FBN2: variants seen among roughly 807,000 people sequenced by gnomAD.
The protein encoded by FBN2 is fibrillin-2.
Under a neutral mutation model 355.6 loss-of-function variants are expected in FBN2, and 105 were observed. That is an observed-to-expected ratio of 0.30 (90% CI 0.25 to 0.35). The LOEUF (loss-of-function observed/expected upper bound fraction) is 0.35, where lower values mean the gene tolerates loss of function less well. Among genes scored for constraint, FBN2 ranks in the 10% least tolerant of loss-of-function variants. FBN2 has a pLI of 1.00. For missense variants in FBN2, 3,280 were observed against 3,758.7 expected (o/e 0.87, Z 3.33); for synonymous variants, 1,350 against 1,301.2 (o/e 1.04, Z -0.81).
chr5:128,381,508 A>C (rs1303101687), intron 11 of FBN2, among the ~76,000 whole-genome samples: 1 of 152,136 alleles, frequency 6.6e-6, no homozygotes, highest in Non-Finnish European at 1.5e-5. Context: ...TAGTTAATTA[A>C]TATCCTCTTC....
intron 11 of FBN2, among the ~76,000 whole-genome samples, chr5:128,385,050 T>C (rs545185325): frequency 6.6e-6 from 1 of 152,268 alleles, no homozygotes; most frequent in African/African-American, 2.4e-5. Flanking sequence ...TATACACATA[T>C]ATTTTTCTTT....
chr5:128,277,801 CTACTGA>C lies in FBN2; in HGVS notation c.7471+73_7471+78del, dbSNP rs1765432544. 1.8e-4 allele frequency: 260 copies of C among 1,445,962 alleles called. No individual in the cohort carries two copies. In the South Asian group the frequency reaches 2.6e-3, roughly 14 times the overall value. 89.6% of individuals were successfully genotyped at this position (1,445,962 alleles called of 1,614,324 possible). On this transcript the variant is annotated intron_variant, in intron 58 of 64. Transcript: ENST00000262464. ...TCCAAAGCTCCATAATAAAGACACTCTACTGATAATGAGTGACTTGCAGGAAACAGT... is the reference window on the plus strand; with the variant it reads ...TCCAAAGCTCCATAATAAAGACACTCTAATGAGTGACTTGCAGGAAACAGT...
intron 16 of FBN2, among the ~76,000 whole-genome samples, chr5:128,368,465 T>TACATATATATAC (rs774735044): frequency 0.23 from 28,746 of 127,694 alleles, 4,408 homozygotes; most frequent in East Asian, 0.76. Context: ...CACATATATA[T>TACATATATATAC]ACATATATAT....
intron 44 of FBN2, 61 bp downstream of exon 44, chr5:128,305,450 T>G (rs1276289218): frequency 1.3e-6 from 2 of 1,593,872 alleles, no homozygotes; most frequent in East Asian, 2.2e-5. Flanking sequence ...AAGTATTTTT[T>G]GATAGGAAAT....
chr5:128,451,535 G>A (rs555504663), intron 6 of FBN2, among the ~76,000 whole-genome samples: 1 of 152,158 alleles, frequency 6.6e-6, no homozygotes, highest in Non-Finnish European at 1.5e-5. Context: ...TGAGTAGCTG[G>A]GATTACAGGC....
Position 128,366,251 on chromosome 5 carries a change from ATAAT to A in FBN2, c.2302+122_2302+125del, listed in dbSNP as rs10594722. On this transcript the variant is annotated intron_variant, in intron 17 of 64. Transcript: ENST00000262464. Reference sequence around the variant, plus strand: ...TAGCTTATAACCACTGCTCTAGGAGATAATTAATCTTATTATTTTATAATACTAC... The same window carrying A: ...TAGCTTATAACCACTGCTCTAGGAGATAATCTTATTATTTTATAATACTAC... The A allele has an allele frequency of 0.23, 118,047 of 505,856 alleles. 19,656 individuals carry two copies. Among genetic ancestry groups the A allele is most frequent in the East Asian group, 0.81 (23,565 of 29,146 alleles). 31.3% of individuals were successfully genotyped at this position (505,856 alleles called of 1,614,324 possible).
rs114965196 is a variant in FBN2, at chr5:128,483,211, C to G, written c.629-18290G>C. Among the ~76,000 whole-genome samples the G allele has an allele frequency of 6.1e-3, 922 of 152,254 alleles. 8 individuals carry two copies. Among genetic ancestry groups the G allele is most frequent in the African/African-American group, 0.021 (885 of 41,534 alleles). ...GAAAAACTAACTATTGGGTACCACG[C>G]TCAGTACCTGGATGACAGGATCAAT... On this transcript the variant is annotated intron_variant, in intron 5 of 64. Transcript: ENST00000262464.
chr5:128,311,535 C>T lies in FBN2; in HGVS notation c.4949-110G>A. 4.4e-6 allele frequency: 5 copies of T among 1,133,998 alleles called. No individual in the cohort carries two copies. In the South Asian group the frequency reaches 6.5e-5, roughly 15 times the overall value. 70.2% of individuals were successfully genotyped at this position (1,133,998 alleles called of 1,614,324 possible). The stretch of plus-strand genomic sequence containing the variant: ...TGTAAGAATCAGATTTCTATGCATC[C>T]AAATGAACGCACACTTAGATGGCAA... On this transcript the variant is annotated intron_variant, in intron 38 of 64. Transcript: ENST00000262464.
chr5:128,431,872 A>G (rs1753635745), intron 7 of FBN2, among the ~76,000 whole-genome samples: 1 of 152,174 alleles, frequency 6.6e-6, no homozygotes, highest in African/African-American at 2.4e-5. Context: ...CCAGCACAAG[A>G]TGTTATTACC....
rs1256517059 is a variant in FBN2, at chr5:128,537,607, C to G, written c.-4G>C. On this transcript the variant is annotated 5_prime_UTR_variant, in exon 1 of 65. Transcript: ENST00000262464. Reference sequence around the variant, plus strand: ...ACAGCCTCCGTCTTCTCCCCATCGCCGGCGCCGAAAGCGCGCGGCCGTAGA... The same window carrying G: ...ACAGCCTCCGTCTTCTCCCCATCGCGGGCGCCGAAAGCGCGCGGCCGTAGA... 3 of 1,606,672 alleles carry G rather than the reference C, an allele frequency of 1.9e-6. No individual in the cohort carries two copies. Among genetic ancestry groups the G allele is most frequent in the African/African-American group, 2.7e-5 (2 of 74,826 alleles).
Position 128,361,836 on chromosome 5 carries a change from C to T in FBN2, c.2441G>A (p.Cys814Tyr). 6.2e-7 allele frequency: 1 copy of T among 1,614,056 alleles called. No homozygotes were observed. Among genetic ancestry groups the T allele is most frequent in the Non-Finnish European group, 8.5e-7 (1 of 1,179,944 alleles). ...SGRNCIDIDE[C>Y]LVNRLLCDNG... is the part of the protein sequence containing the mutation. ...ATCACAAAGCAGTCTGTTTACTAAA[C>T]ATTCATCAATGTCTGAAAGCAACGA... Residue 814 changes from cysteine (C) to tyrosine (Y), a missense_variant, in exon 19 of 65, where the codon TGT becomes TAT. By Grantham distance (194) the Cys-to-Tyr change is radical. Transcript: ENST00000262464.
At position 128,318,918 on chromosome 5, in the gene FBN2, C is replaced by T. The variant is rs756870930; in HGVS notation, c.4555G>A (p.Asp1519Asn). Residue 1519 changes from aspartate (D) to asparagine (N), a missense_variant, in exon 35 of 65, where the codon GAT (aspartate) becomes AAT (asparagine). By Grantham distance (23) the Asp-to-Asn change is conservative. Transcript: ENST00000262464. ...CCTGTTCTGTCCAATTCATAACCAT[C>T]ATCGCAGATGCAATGAAACATTCCA... ...LPGMFHCICD[D>N]GYELDRTGGN... 2 of 1,613,292 alleles carry T rather than the reference C, an allele frequency of 1.2e-6. No individual in the cohort carries two copies. The highest frequency in any genetic ancestry group is 3.3e-5 in the Admixed American group (2 of 59,994).
At chr5:128,310,385 TATATATATATATATA>T (rs1369778475) in intron 39 of FBN2, among the ~76,000 whole-genome samples, 308 of 13,484 alleles carry the variant, frequency 0.023, 3 homozygotes, top group African/African-American at 0.078. Flanking sequence ...TATATATATA[TATATATATATATATA>T]TATTTTTTTT....
chr5:128,522,390 A>T (rs902638777), intron 4 of FBN2, among the ~76,000 whole-genome samples: 1 of 152,042 alleles, frequency 6.6e-6, no homozygotes, highest in Admixed American at 6.6e-5. Context: ...CCCAGCACCC[A>T]CTCACCACAC....
intron 19 of FBN2, among the ~76,000 whole-genome samples, chr5:128,357,884 C>A (rs1265339615): frequency 6.6e-6 from 1 of 152,074 alleles, no homozygotes; most frequent in Non-Finnish European, 1.5e-5. Flanking sequence ...GGGTACATAA[C>A]TCTCCTCTAG....
intron 5 of FBN2, among the ~76,000 whole-genome samples, chr5:128,512,372 G>C (rs549454928): frequency 6.6e-6 from 1 of 152,130 alleles, no homozygotes; most frequent in South Asian, 2.1e-4. Flanking sequence ...ATATTAGCAG[G>C]GGTGGTGGCG....
rs1191489785 is a variant in FBN2 at position 128,372,564 on chromosome 5, TCACTGTAACCTC to T, written c.2095+2052_2095+2063del. ...TGGAGTGCAGTGGTGCAATCATAGC[TCACTGTAACCTC>T]CACCTCCAGGGCTCAGGCAATCCTC... On this transcript the variant is annotated intron_variant, in intron 15 of 64. Transcript: ENST00000262464. Among the ~76,000 whole-genome samples the T allele has an allele frequency of 2.6e-5, 4 of 152,134 alleles. No individual in the cohort carries two copies. In the East Asian group the frequency reaches 7.7e-4, roughly 29 times the overall value.
At chr5:128,278,912 C>G in intron 56 of FBN2, 71 bp from the exon 57 acceptor site, 1 of 1,264,584 alleles carries the variant, frequency 7.9e-7, no homozygotes, top group Non-Finnish European at 1.1e-6. Flanking sequence ...TCAAATTAAG[C>G]AGGGCAGTCA....
At chr5:128,386,894 A>G (rs1424967011) in intron 11 of FBN2, among the ~76,000 whole-genome samples, 3 of 152,066 alleles carry the variant, frequency 2.0e-5, no homozygotes, top group African/African-American at 7.2e-5. Context: ...ATTGGCCTAA[A>G]GTTTTCTCCT....
Sources: gnomAD v4.1 joint callset for allele counts (sites outside exome capture counted in the v4.1 genomes callset) on GRCh38, gnomAD v4.1.1 for gene constraint, MANE v1.5 for transcripts, NCBI Gene and HGNC (gene_info 2026-07-23, HGNC 2026-07-21) for gene names.